Variants in PACRG observed in about 807,000 individuals in gnomAD.
PACRG encodes parkin coregulated.
A neutral mutation model predicts 29.7 loss-of-function variants in PACRG; 29 were observed. The ratio of observed to expected loss-of-function variants is 0.98; its 90% CI spans 0.73 to 1.33. The LOEUF (loss-of-function observed/expected upper bound fraction) is 1.33, where lower values mean the gene tolerates loss of function less well. PACRG is among the 40% of genes most tolerant of loss of function. The pLI is 0.00. For missense variants in PACRG, 279 were observed against 316.2 expected, an observed-to-expected ratio of 0.88 and a Z score of 0.89; for synonymous variants, 116 against 118.7, an observed-to-expected ratio of 0.98 and a Z score of 0.15.
chr6:163,205,756 T>G (rs997381412), intron 4 of PACRG, among the ~76,000 whole-genome samples: 7 of 152,034 alleles, frequency 4.6e-5, no homozygotes, highest in Non-Finnish European at 5.9e-5. Flanking sequence ...AAGGAAACCA[T>G]TGACAGAGTA....
rs74527425 is a variant in PACRG at position 162,998,681 on chromosome 6, A to G, written c.292-63469A>G. 8.8e-3 allele frequency among the ~76,000 whole-genome samples: 1,342 copies of G among 152,228 alleles called. 19 individuals carry two copies. Among genetic ancestry groups the G allele is most frequent in the African/African-American group, 0.031 (1,292 of 41,522 alleles). On this transcript the variant is annotated intron_variant, in intron 2 of 4. Coordinates refer to ENST00000366888, the MANE Select transcript of PACRG (RefSeq NM_001080379.2). Reference sequence around the variant, plus strand: ...CAGTACAATTTCATAGTCAAATCTGACCACTTTGACTTTATTATTTCTGCT... The same window carrying G: ...CAGTACAATTTCATAGTCAAATCTGGCCACTTTGACTTTATTATTTCTGCT...
intron 4 of PACRG, among the ~76,000 whole-genome samples, chr6:163,299,753 C>T (rs138944014): frequency 0.026 from 4,011 of 152,236 alleles, 65 homozygotes; most frequent in Non-Finnish European, 0.038. Context: ...GGGGCGCGTG[C>T]CTGTAGTCCC....
chr6:162,965,684 G>GT (rs1336767168), intron 2 of PACRG, among the ~76,000 whole-genome samples: 1 of 152,196 alleles, frequency 6.6e-6, no homozygotes, highest in Non-Finnish European at 1.5e-5. Context: ...TAAGAAATTG[G>GT]TGAGGGGAAG....
chr6:163,054,198 G>A (rs1810316626), intron 2 of PACRG: 1 of 152,204 alleles, frequency 6.6e-6, no homozygotes, highest in Non-Finnish European at 1.5e-5. Flanking sequence ...TTTGGAGATG[G>A]GGCCTGTATG....
chr6:162,736,638 C>G (rs1255513357), intron 1 of PACRG, among the ~76,000 whole-genome samples: 1 of 145,870 alleles, frequency 6.9e-6, no homozygotes, highest in African/African-American at 2.5e-5. Flanking sequence ...GGTTTTCAAT[C>G]TTATTTTCTG....
At chr6:163,050,360 C>T (rs946079193) in intron 2 of PACRG, among the ~76,000 whole-genome samples, 3 of 152,086 alleles carry the variant, frequency 2.0e-5, no homozygotes, top group Non-Finnish European at 4.4e-5. Flanking sequence ...TTACCTTTGA[C>T]CCAGATTACC....
At chr6:163,231,550 G>A (rs1209329613) in intron 4 of PACRG, among the ~76,000 whole-genome samples, 1 of 152,122 alleles carries the variant, frequency 6.6e-6, no homozygotes. Flanking sequence ...CAGCAACTTT[G>A]CAGGTCTTCA....
At chr6:162,865,217 T>G (rs1792195593) in intron 2 of PACRG, among the ~76,000 whole-genome samples, 1 of 152,202 alleles carries the variant, frequency 6.6e-6, no homozygotes, top group African/African-American at 2.4e-5. Flanking sequence ...GCTGCTCTGG[T>G]CTGAATGCTA....
chr6:162,881,859 A>G (rs1348951564), intron 2 of PACRG, among the ~76,000 whole-genome samples: 1 of 149,236 alleles, frequency 6.7e-6, no homozygotes, highest in Non-Finnish European at 1.5e-5. Context: ...CTCCACCAAG[A>G]CCAGAGACCA....
intron 4 of PACRG, chr6:163,100,692 T>A: frequency 1.3e-6 from 1 of 758,326 alleles, no homozygotes; most frequent in Non-Finnish European, 1.6e-6. Flanking sequence ...TGGAGAAATG[T>A]TCCTCTTAGT....
At chr6:162,861,938 G>A (rs1174265138) in intron 2 of PACRG, among the ~76,000 whole-genome samples, 6 of 152,122 alleles carry the variant, frequency 3.9e-5, no homozygotes, top group Non-Finnish European at 4.4e-5. Context: ...GGGTATTTCT[G>A]TATCCACTAG....
intron 2 of PACRG, among the ~76,000 whole-genome samples, chr6:162,942,081 T>C (rs1798673302): frequency 6.6e-6 from 1 of 152,194 alleles, no homozygotes; most frequent in African/African-American, 2.4e-5. Flanking sequence ...AGAACCAAAA[T>C]TGAAGCTTTG....
chr6:163,030,885 C>T (rs1416432676), intron 2 of PACRG, among the ~76,000 whole-genome samples: 1 of 152,196 alleles, frequency 6.6e-6, no homozygotes, highest in East Asian at 1.9e-4. Context: ...AGCTTCTTTA[C>T]TGCAACCTGT....
intron 2 of PACRG, among the ~76,000 whole-genome samples, chr6:162,919,001 C>A (rs1450794842): frequency 3.3e-5 from 5 of 152,002 alleles, no homozygotes; most frequent in African/African-American, 1.2e-4. Context: ...GTGATTAGGA[C>A]AAGTAACTGG....
chr6:162,764,072 G>A (rs1462542945), intron 1 of PACRG, among the ~76,000 whole-genome samples: 2 of 152,104 alleles, frequency 1.3e-5, no homozygotes, highest in African/African-American at 4.8e-5. Context: ...TCAGGAGATC[G>A]AGACCATCCT....
chr6:163,000,982 G>A (rs1240136390), intron 2 of PACRG, among the ~76,000 whole-genome samples: 1 of 152,184 alleles, frequency 6.6e-6, no homozygotes, highest in Non-Finnish European at 1.5e-5. Context: ...AGAAGCTGAT[G>A]GCCATGATTT....
intron 1 of PACRG, among the ~76,000 whole-genome samples, chr6:162,811,089 G>A (rs1786823639): frequency 6.6e-6 from 1 of 152,160 alleles, no homozygotes; most frequent in African/African-American, 2.4e-5. Context: ...GTGAATGAGA[G>A]TGGATTTATC....
At chr6:162,911,977 A>G (rs1462545788) in intron 2 of PACRG, among the ~76,000 whole-genome samples, 1 of 152,176 alleles carries the variant, frequency 6.6e-6, no homozygotes, top group Non-Finnish European at 1.5e-5. Flanking sequence ...TCTCCTCTCT[A>G]CTTCCGCTCT....
chr6:162,822,901 ATATATG>A (rs1436638026), intron 2 of PACRG, among the ~76,000 whole-genome samples: 3 of 152,130 alleles, frequency 2.0e-5, no homozygotes, highest in African/African-American at 7.2e-5. Context: ...GTATTATAAC[ATATATG>A]TATATGTATA....
Sources: gnomAD v4.1 joint callset for allele counts (sites outside exome capture counted in the v4.1 genomes callset) on GRCh38, gnomAD v4.1.1 for gene constraint, MANE v1.5 for transcripts, NCBI Gene and HGNC (gene_info 2026-07-23, HGNC 2026-07-21) for gene names.